Variants in FTO observed in about 807,000 individuals in gnomAD.
FTO encodes alpha-ketoglutarate-dependent dioxygenase FTO.
A neutral mutation model predicts 63.9 loss-of-function variants in FTO; 47 were observed. That is an observed-to-expected ratio of 0.74 (90% CI 0.58 to 0.94). FTO has a LOEUF of 0.94. FTO is among the 40% of genes least tolerant of loss of function. The pLI is 0.00. For synonymous variants in FTO, 207 were observed against 224.4 expected (o/e 0.92, Z 0.69); for missense variants, 562 against 618.1 (o/e 0.91, Z 0.96).
intron 8 of FTO, chr16:53,999,836 G>A (rs1316203971): frequency 2.6e-5 from 4 of 152,220 alleles, no homozygotes; most frequent in African/African-American, 9.7e-5. Context: ...ACAGGGAAAT[G>A]TTAAAAACCA....
At chr16:53,890,595 G>A (rs899906265) in intron 7 of FTO, among the ~76,000 whole-genome samples, 2 of 152,088 alleles carry the variant, frequency 1.3e-5, no homozygotes, top group African/African-American at 2.4e-5. Flanking sequence ...ATGGATATAC[G>A]TCTGGGGAAG....
At chr16:53,711,760 A>G (rs2075782511) in intron 1 of FTO, among the ~76,000 whole-genome samples, 1 of 152,234 alleles carries the variant, frequency 6.6e-6, no homozygotes, top group Non-Finnish European at 1.5e-5. Context: ...GGAAATGGTT[A>G]TATACCTAAG....
In FTO at chr16:54,077,795, G is replaced by A. The variant is rs74019726; in HGVS notation, c.1365-33967G>A. ...AAGGAAGAGGTAGGCAAGGCCTGGAGGCCAGAATGGCAGGCAGTCGGATCA... is the reference window on the plus strand; with the variant it reads ...AAGGAAGAGGTAGGCAAGGCCTGGAAGCCAGAATGGCAGGCAGTCGGATCA... On this transcript the variant is annotated intron_variant, in intron 8 of 8. Coordinates refer to ENST00000471389, the MANE Select transcript of FTO (RefSeq NM_001080432.3). Among the ~76,000 whole-genome samples, 679 of 152,298 alleles carry A rather than the reference G, an allele frequency of 4.5e-3. 1 individual carries two copies. Among genetic ancestry groups the A allele is most frequent in the African/African-American group, 0.013 (547 of 41,564 alleles).
chr16:53,764,866 C>T (rs965315588), intron 1 of FTO, among the ~76,000 whole-genome samples: 5 of 151,946 alleles, frequency 3.3e-5, no homozygotes, highest in Non-Finnish European at 7.4e-5. Flanking sequence ...ATTACAGGCG[C>T]ATGTCACCAT....
chr16:54,036,161 C>G (rs1413719934), intron 8 of FTO, among the ~76,000 whole-genome samples: 11 of 152,144 alleles, frequency 7.2e-5, no homozygotes, highest in African/African-American at 2.7e-4. Context: ...AAAAAAAGCT[C>G]ATGTTTTCAA....
intron 7 of FTO, among the ~76,000 whole-genome samples, chr16:53,931,052 T>C (rs71390222): frequency 0.093 from 14,174 of 152,192 alleles, 897 homozygotes; most frequent in South Asian, 0.17. Flanking sequence ...TCTTACATCC[T>C]TCCCCTCTTA....
chr16:54,079,302 C>G (rs572301437), intron 8 of FTO, among the ~76,000 whole-genome samples: 1 of 152,094 alleles, frequency 6.6e-6, no homozygotes, highest in Admixed American at 6.6e-5. Context: ...ATGGCCAAAC[C>G]AAGAATGAAG....
chr16:54,024,733 A>G (rs182206765), intron 8 of FTO, among the ~76,000 whole-genome samples: 251 of 152,334 alleles, frequency 1.6e-3, no homozygotes, highest in African/African-American at 5.8e-3. Flanking sequence ...TAGGTATTAT[A>G]TTAGTTTATA....
rs544418130 is a variant in FTO, at chr16:53,797,707, A to G, written c.46-12433A>G. ...CAATCATGTTGTAGGTGTTTAATAT[A>G]TATATTTTTATGAAAGTTCCAGATT... On this transcript the variant is annotated intron_variant, in intron 1 of 8. Transcript: ENST00000471389. Among the ~76,000 whole-genome samples, 8 of 152,192 alleles carry G rather than the reference A, an allele frequency of 5.3e-5. No homozygotes were observed. In the South Asian group the frequency reaches 1.7e-3, roughly 32 times the overall value.
At chr16:53,706,810 T>C (rs957847931) in intron 1 of FTO, among the ~76,000 whole-genome samples, 4 of 152,240 alleles carry the variant, frequency 2.6e-5, no homozygotes, top group African/African-American at 9.6e-5. Context: ...TGTTTATTCA[T>C]TCACTTGTTG....
intron 8 of FTO, among the ~76,000 whole-genome samples, chr16:54,078,922 G>C (rs1279333209): frequency 3.3e-5 from 5 of 151,804 alleles, no homozygotes; most frequent in African/African-American, 1.2e-4. Context: ...CAGAGAAACA[G>C]TTTATAAACT....
At chr16:54,027,463 A>G (rs1219715107) in intron 8 of FTO, among the ~76,000 whole-genome samples, 1 of 151,564 alleles carries the variant, frequency 6.6e-6, no homozygotes, top group Non-Finnish European at 1.5e-5. Flanking sequence ...GCGAAAAGAA[A>G]AAAGGACATT....
intron 8 of FTO, among the ~76,000 whole-genome samples, chr16:54,048,369 G>T (rs2085234631): frequency 6.6e-6 from 1 of 151,748 alleles, no homozygotes; most frequent in Non-Finnish European, 1.5e-5. Flanking sequence ...TTCATGGAAG[G>T]CCCCAGCAGG....
chr16:53,719,253 C>CTTTTTTTTTTTTTT (rs10527186), intron 1 of FTO, among the ~76,000 whole-genome samples: 1 of 135,648 alleles, frequency 7.4e-6, no homozygotes, highest in Non-Finnish European at 1.6e-5. Context: ...TCTTCTTCTT[C>CTTTTTTTTTTTTTT]TTTTTTTTTT....
intron 8 of FTO, chr16:53,937,196 A>T: frequency 2.5e-6 from 1 of 398,584 alleles, no homozygotes; most frequent in Non-Finnish European, 4.4e-6. Context: ...TCGTAATCCC[A>T]TAAACAACCC....
intron 4 of FTO, among the ~76,000 whole-genome samples, chr16:53,872,084 C>G (rs974612673): frequency 7.2e-5 from 11 of 152,128 alleles, no homozygotes; most frequent in Admixed American, 6.6e-5. Context: ...ACTAGAGCAG[C>G]CTTTAACCTA....
At chr16:53,898,331 G>A (rs1042891054) in intron 7 of FTO, among the ~76,000 whole-genome samples, 1 of 152,078 alleles carries the variant, frequency 6.6e-6, no homozygotes, top group Non-Finnish European at 1.5e-5. Context: ...TAATTTACAT[G>A]ACTCTCTCCC....
At chr16:54,056,510 A>G (rs2085436649) in intron 8 of FTO, among the ~76,000 whole-genome samples, 1 of 152,116 alleles carries the variant, frequency 6.6e-6, no homozygotes, top group African/African-American at 2.4e-5. Flanking sequence ...TGATGAATTG[A>G]GTAAGGGGGA....
chr16:54,107,410 A>C (rs1188743241), intron 8 of FTO, among the ~76,000 whole-genome samples: 1 of 152,204 alleles, frequency 6.6e-6, no homozygotes, highest in African/African-American at 2.4e-5. Flanking sequence ...CCTAGTCCTG[A>C]AAATTGGCTT....
Sources: allele counts gnomAD v4.1 joint callset (sites outside exome capture counted in the v4.1 genomes callset), GRCh38; gene constraint gnomAD v4.1.1; transcripts MANE v1.5; gene names NCBI Gene and HGNC (gene_info 2026-07-23, HGNC 2026-07-21).